Variants in ADAM22 observed in about 807,000 individuals in gnomAD.
The protein encoded by ADAM22 is ADAM metallopeptidase domain 22, also known as disintegrin and metalloproteinase domain-containing protein 22.
ADAM22 carries 65 observed loss-of-function variants against 144.6 expected under a neutral mutation model. The ratio of observed to expected loss-of-function variants is 0.45; its 90% confidence interval spans 0.37 to 0.55. The LOEUF is 0.55. Among genes scored for constraint, ADAM22 ranks in the 20% least tolerant of loss-of-function variants. The pLI is 0.00. For synonymous variants in ADAM22, 391 were observed against 412.6 expected (o/e 0.95, Z 0.63); for missense variants, 974 against 1,184.9 (o/e 0.82, Z 2.61).
At chr7:88,150,355 A>G (rs1356002993) in intron 18 of ADAM22, among the ~76,000 whole-genome samples, 2 of 152,220 alleles carry the variant, frequency 1.3e-5, no homozygotes, top group East Asian at 1.9e-4. Context: ...CAAAGAGGCA[A>G]CATAATTGCA....
chr7:88,139,440 A>AAATG (rs1442332531), intron 14 of ADAM22, among the ~76,000 whole-genome samples: 4 of 151,454 alleles, frequency 2.6e-5, no homozygotes, highest in Non-Finnish European at 5.9e-5. Context: ...ATAAATAAAT[A>AAATG]AATAAATAAA....
At chr7:88,191,765 A>G (rs2129540771) in intron 30 of ADAM22, among the ~76,000 whole-genome samples, 1 of 152,354 alleles carries the variant, frequency 6.6e-6, no homozygotes, top group South Asian at 2.1e-4. Flanking sequence ...GCTGTGTTCT[A>G]AATGTTCATG....
chr7:88,145,440 G>C lies in ADAM22; in HGVS notation c.1418G>C (p.Cys473Ser). ...GAATGTGTCCTTGAAGGAGCAGAGTGTTGTAAGAAATGCACCTTGACTCAA... is the reference window on the plus strand; with the variant it reads ...GAATGTGTCCTTGAAGGAGCAGAGTCTTGTAAGAAATGCACCTTGACTCAA... ...PAECVLEGAE[C>S]CKKCTLTQDS... The change falls in exon 17 of 32, where the codon TGT becomes TCT. Residue 473 changes from cysteine (C) to serine (S), a missense_variant. By Grantham distance (112) the Cys-to-Ser change is moderately radical. Around this residue, in one of 2 missense-constraint regions of ADAM22, gnomAD observed 734 missense variants for 950.6 expected, o/e 0.77. Coordinates refer to ENST00000413139, the MANE Select transcript of ADAM22 (RefSeq NM_001324418.2). 1.2e-6 allele frequency: 2 copies of C among 1,613,686 alleles called. No homozygotes were observed. Among genetic ancestry groups the C allele is most frequent in the Non-Finnish European group, 1.7e-6 (2 of 1,179,672 alleles).
intron 4 of ADAM22, among the ~76,000 whole-genome samples, chr7:88,084,680 A>C (rs1409664702): frequency 1.3e-5 from 2 of 152,180 alleles, no homozygotes; most frequent in Non-Finnish European, 2.9e-5. Flanking sequence ...ATACATTATA[A>C]ATCAAAGTTG....
intron 23 of ADAM22, 28 bp downstream of exon 23, chr7:88,163,208 T>TGAC: frequency 6.5e-7 from 1 of 1,535,030 alleles, no homozygotes; most frequent in Non-Finnish European, 8.7e-7. Context: ...TGTCAGAATC[T>TGAC]ATTTCTTTTA....
intron 3 of ADAM22, among the ~76,000 whole-genome samples, chr7:88,020,898 A>C (rs1482966428): frequency 6.6e-6 from 1 of 152,038 alleles, no homozygotes; most frequent in Non-Finnish European, 1.5e-5. Context: ...GGATGAGGAG[A>C]GGGAGTGGGT....
chr7:88,109,154 CT>C (rs71120019), intron 5 of ADAM22, among the ~76,000 whole-genome samples: 2 of 152,112 alleles, frequency 1.3e-5, no homozygotes, highest in Non-Finnish European at 2.9e-5. Flanking sequence ...GTCTTTGCCC[CT>C]TTTTTTCAGC....
At chr7:88,180,519 C>G (rs1215757884) in intron 27 of ADAM22, among the ~76,000 whole-genome samples, 1 of 151,788 alleles carries the variant, frequency 6.6e-6, no homozygotes, top group Non-Finnish European at 1.5e-5. Context: ...CAGTAGAAGG[C>G]TTTTTTTGAA....
chr7:88,148,906 TTTTTTTAG>T, intron 17 of ADAM22, 63 bp from the exon 18 acceptor site: 2 of 1,194,402 alleles, frequency 1.7e-6, no homozygotes, highest in South Asian at 2.8e-5. Context: ...TTCATTTTGT[TTTTTTTAG>T]ATGATATTGT....
chr7:88,003,989 G>C (rs963792770), intron 3 of ADAM22, among the ~76,000 whole-genome samples: 10 of 152,146 alleles, frequency 6.6e-5, no homozygotes, highest in African/African-American at 2.4e-5. Flanking sequence ...ACAGTTAGGA[G>C]GATCTCAAAA....
intron 2 of ADAM22, among the ~76,000 whole-genome samples, chr7:87,960,202 G>C (rs759390435): frequency 2.6e-5 from 4 of 152,182 alleles, no homozygotes; most frequent in Non-Finnish European, 4.4e-5. Flanking sequence ...TCCAAAATCT[G>C]TTATTCTGAA....
chr7:88,099,733 A>G (rs893410238), intron 4 of ADAM22, among the ~76,000 whole-genome samples: 3 of 152,188 alleles, frequency 2.0e-5, no homozygotes, highest in African/African-American at 4.8e-5. Flanking sequence ...TTGAAAACCT[A>G]TAGTGCTAAG....
At chr7:88,078,539 A>G (rs915240734) in intron 4 of ADAM22, among the ~76,000 whole-genome samples, 8 of 152,374 alleles carry the variant, frequency 5.3e-5, no homozygotes, top group African/African-American at 1.9e-4. Flanking sequence ...TCAGGAGATC[A>G]AACTACTCCG....
At chr7:87,959,966 CTCTTT>C (rs1300710651) in intron 2 of ADAM22, among the ~76,000 whole-genome samples, 1 of 152,018 alleles carries the variant, frequency 6.6e-6, no homozygotes, top group African/African-American at 2.4e-5. Flanking sequence ...TTGGACTCTT[CTCTTT>C]TAATTATTGT....
chr7:88,007,638 A>G (rs1264668002), intron 3 of ADAM22, among the ~76,000 whole-genome samples: 2 of 152,232 alleles, frequency 1.3e-5, no homozygotes, highest in Non-Finnish European at 2.9e-5. Flanking sequence ...GAGAAAAACC[A>G]GCAATGGGGA....
chr7:88,077,599 GA>G (rs1408319010), intron 4 of ADAM22, among the ~76,000 whole-genome samples: 1 of 152,338 alleles, frequency 6.6e-6, no homozygotes, highest in Non-Finnish European at 1.5e-5. Flanking sequence ...CCTAGTCAAA[GA>G]AAGGGGTGAC....
chr7:88,170,058 ACTT>A (rs1288751536), intron 25 of ADAM22, among the ~76,000 whole-genome samples: 2 of 151,902 alleles, frequency 1.3e-5, no homozygotes, highest in South Asian at 2.1e-4. Context: ...TCTGCAGGTG[ACTT>A]CTTATTTTTA....
intron 6 of ADAM22, among the ~76,000 whole-genome samples, chr7:88,116,341 C>T (rs1355637267): frequency 6.6e-6 from 1 of 152,122 alleles, no homozygotes; most frequent in African/African-American, 2.4e-5. Flanking sequence ...GCATCCTGCT[C>T]CCCAATACTA....
intron 2 of ADAM22, among the ~76,000 whole-genome samples, chr7:87,944,991 T>C (rs572986191): frequency 1.4e-5 from 1 of 69,180 alleles, no homozygotes; most frequent in Non-Finnish European, 2.5e-5. Context: ...CTTCTTGTCT[T>C]TCACCTCTTT....
Sources: gnomAD v4.1 joint callset for allele counts (sites outside exome capture counted in the v4.1 genomes callset) on GRCh38, gnomAD v4.1.1 for gene constraint, gnomAD v4.1.1 regional missense constraint, MANE v1.5 for transcripts, NCBI Gene and HGNC (gene_info 2026-07-23, HGNC 2026-07-21) for gene names.